SV2A: variants seen among roughly 807,000 people sequenced by gnomAD.
SV2A encodes the protein solute carrier family 22 member B1.
SV2A carries 25 observed loss-of-function variants against 78.0 expected under a neutral mutation model. The observed-to-expected ratio is 0.32, with a 90% CI of 0.23 to 0.45. SV2A has a LOEUF of 0.45. Among genes scored for constraint, SV2A ranks in the 20% least tolerant of loss-of-function variants. The pLI is 1.00. For missense variants in SV2A, 752 were observed against 971.5 expected (o/e 0.77, Z 3.00); for synonymous variants, 355 against 384.7 (o/e 0.92, Z 0.90).
At chr1:149,909,085 C>T (rs2092458020) in intron 8 of SV2A, 107 bp downstream of exon 8, 4 of 1,087,646 alleles carry the variant, frequency 3.7e-6, no homozygotes, top group Non-Finnish European at 5.6e-6. Context: ...GTCTGCATGG[C>T]ACCTTCCCTC....
At chr1:149,908,612 C>T (rs2092454357) in intron 8 of SV2A, among the ~76,000 whole-genome samples, 1 of 151,902 alleles carries the variant, frequency 6.6e-6, no homozygotes, top group East Asian at 1.9e-4. Flanking sequence ...TCTCTCATCA[C>T]CCTGCTTCAT....
chr1:149,909,284 C>A lies in SV2A; in HGVS notation c.1291-4G>T. The stretch of plus-strand genomic sequence containing the variant: ...AGGAGAGAAAATTCCCCCAAACCTA[C>A]AGGGGACCAGACAAAGTCAGACCTT... On this transcript the variant is annotated splice_region_variant and splice_polypyrimidine_tract_variant and intron_variant, in intron 7 of 12. Transcript: ENST00000369146. The A allele has an allele frequency of 6.2e-7, 1 of 1,613,992 alleles. No homozygotes were observed. Among genetic ancestry groups the A allele is most frequent in the South Asian group, 1.1e-5 (1 of 91,072 alleles).
chr1:149,915,944 G>A (rs929068486), intron 1 of SV2A, among the ~76,000 whole-genome samples: 2 of 151,766 alleles, frequency 1.3e-5, no homozygotes, highest in Non-Finnish European at 2.9e-5. Context: ...GGTAGAAGAC[G>A]GTAAGCAATG....
Position 149,911,856 on chromosome 1 carries a change from T to C in SV2A, c.747A>G (p.Ser249=). The C allele has an allele frequency of 1.2e-6, 2 of 1,614,058 alleles. No homozygotes were observed. The highest frequency in any genetic ancestry group is 1.7e-6 in the Non-Finnish European group (2 of 1,180,026). ...LSVNSVFAFF[S]SFVQGYGTFL... is the part of the protein sequence containing the mutation. ...AAGTGCCGTAACCCTGGACAAAAGA[T>C]GAGAAGAAGGCGAAGACGCTGTTGA... The change falls in exon 3 of 13, where the codon TCA becomes TCG. Residue 249 remains serine, a synonymous_variant. Transcript: ENST00000369146.
Position 149,913,563 on chromosome 1 carries a change from A to G in SV2A, c.278T>C (p.Ile93Thr). ...ATEGHDEDDE[I>T]YEGEYQGIPR... The stretch of plus-strand genomic sequence containing the variant: ...AATGCCCTGATATTCCCCTTCATAG[A>G]TCTCATCATCCTCGTCATGGCCCTC... The change falls in exon 2 of 13, where the codon ATC becomes ACC. Residue 93 changes from isoleucine (I) to threonine (T), a missense_variant. Physicochemically the swap from Ile to Thr is moderately conservative, Grantham distance 89 (BLOSUM62 -1). This residue lies in a region of SV2A where 291 missense variants were observed against 359.5 expected (regional missense o/e 0.81). Coordinates refer to ENST00000369146, the MANE Select transcript of SV2A (RefSeq NM_014849.5). The G allele has an allele frequency of 6.2e-7, 1 of 1,612,894 alleles. No individual in the cohort carries two copies.
At chr1:149,917,286 CCCCA>C (rs1553764680) in intron 1 of SV2A, among the ~76,000 whole-genome samples, 6 of 151,884 alleles carry the variant, frequency 4.0e-5, no homozygotes, top group Non-Finnish European at 7.4e-5. Flanking sequence ...TTCCCCTGCC[CCCCA>C]CCCACCCAAG....
intron 1 of SV2A, among the ~76,000 whole-genome samples, chr1:149,915,473 G>C (rs1553764425): frequency 6.6e-6 from 1 of 152,192 alleles, no homozygotes. Context: ...CTAAGAAAGA[G>C]GTGATGACTG....
intron 11 of SV2A, 95 bp from the exon 12 acceptor site, chr1:149,906,134 A>G: frequency 6.8e-7 from 1 of 1,466,430 alleles, no homozygotes; most frequent in African/African-American, 1.4e-5. Context: ...CAGATAGCCC[A>G]GGATGAGACT....
chr1:149,910,762 C>G lies in SV2A; in HGVS notation c.956-59G>C, dbSNP rs1559789835. The G allele has an allele frequency of 6.2e-7, 1 of 1,612,030 alleles. No homozygotes were observed. The highest frequency in any genetic ancestry group is 1.7e-5 in the Admixed American group (1 of 59,914). ...GGCCAGAGGCTGGGGGAACCCACCA[C>G]AGGGAGCACAGAAGAAGAGGGAGGA... On this transcript the variant is annotated intron_variant, in intron 4 of 12. Transcript: ENST00000369146. The surrounding 1 kb of genome is among the most constrained non-coding windows in gnomAD (Gnocchi z 4.2).
chr1:149,909,644 C>T (rs2092462950), intron 6 of SV2A, 73 bp from the exon 7 acceptor site: 1 of 1,487,058 alleles, frequency 6.7e-7, no homozygotes, highest in African/African-American at 1.4e-5. Flanking sequence ...CTCAGTTTCC[C>T]CTGCATTAGC....
chr1:149,907,891 C>A, intron 9 of SV2A, 58 bp from the exon 10 acceptor site: 1 of 1,594,312 alleles, frequency 6.3e-7, no homozygotes. Flanking sequence ...CCCTCCAAGA[C>A]TCACTCTTTA....
intron 12 of SV2A, 38 bp from the exon 13 acceptor site, chr1:149,905,235 A>T: frequency 6.4e-7 from 1 of 1,565,942 alleles, no homozygotes; most frequent in Non-Finnish European, 8.7e-7. Flanking sequence ...GGCGCAAGGT[A>T]CAGGAGGGAG....
At chr1:149,912,389 G>C (rs2092481261) in intron 2 of SV2A, among the ~76,000 whole-genome samples, 3 of 151,988 alleles carry the variant, frequency 2.0e-5, no homozygotes, top group Admixed American at 2.0e-4. Flanking sequence ...TTGTTCCTGG[G>C]GAAAGGGGCT....
In SV2A at chr1:149,907,683, C is replaced by A. The variant is rs374519007; in HGVS notation, c.1678+17G>T. The A allele has an allele frequency of 4.3e-5, 69 of 1,610,002 alleles. 1 individual carries two copies. In the African/African-American group the frequency reaches 5.6e-4, roughly 13 times the overall value. ...CCCAACCCTTTGGTCTGACACCCAC[C>A]AGCCACCCCGCCTTACCAGTGTTAT... On this transcript the variant is annotated intron_variant, in intron 10 of 12. Coordinates refer to ENST00000369146, the MANE Select transcript of SV2A (RefSeq NM_014849.5).
chr1:149,914,583 C>A (rs4926386), intron 1 of SV2A, among the ~76,000 whole-genome samples: 15,985 of 152,170 alleles, frequency 0.11, 1,269 homozygotes, highest in East Asian at 0.26. Flanking sequence ...GAGGACAAGC[C>A]CTCCAACCTG....
At position 149,906,810 on chromosome 1, in the gene SV2A, T is replaced by G. The variant is rs1553762841; in HGVS notation, c.1725A>C (p.Thr575=). 4.3e-6 allele frequency: 7 copies of G among 1,614,208 alleles called. No individual in the cohort carries two copies. The highest frequency in any genetic ancestry group is 5.1e-6 in the Non-Finnish European group (6 of 1,180,046). The part of the protein sequence containing the change: ...KFVNSRLINS[T]FLHNKEGCPL... ...GGCAGCCCTCCTTGTTGTGCAGGAA[T>G]GTACTGTTTATCAGACGGCTGTTCA... Residue 575 remains threonine (T), a synonymous_variant, in exon 11 of 13, where the codon ACA becomes ACC. Transcript: ENST00000369146.
chr1:149,908,584 C>T (rs2092454148), intron 8 of SV2A, among the ~76,000 whole-genome samples: 1 of 152,060 alleles, frequency 6.6e-6, no homozygotes, highest in South Asian at 2.1e-4. Context: ...AGTGCTCCCA[C>T]TGCCCTTCCC....
chr1:149,915,992 T>G (rs1280743770), intron 1 of SV2A, among the ~76,000 whole-genome samples: 1 of 152,034 alleles, frequency 6.6e-6, no homozygotes, highest in Non-Finnish European at 1.5e-5. Flanking sequence ...AAGCAGCGCC[T>G]TATCCCCTCA....
In SV2A at chr1:149,906,043, G is replaced by A. The variant is rs1553762689; in HGVS notation, c.1886-4C>T. 49 of 1,614,030 alleles carry A rather than the reference G, an allele frequency of 3.0e-5. No individual in the cohort carries two copies. Among genetic ancestry groups the A allele is most frequent in the Non-Finnish European group, 4.1e-5 (48 of 1,180,012 alleles). ...CAGGACATCACGCTGGAGCCAGCTG[G>A]AGCCAGGAGAGGAGAGAGCAACATG... On this transcript the variant is annotated splice_polypyrimidine_tract_variant and splice_region_variant and intron_variant, in intron 11 of 12. Coordinates refer to ENST00000369146, the MANE Select transcript of SV2A (RefSeq NM_014849.5).
Sources: allele counts gnomAD v4.1 joint callset (sites outside exome capture counted in the v4.1 genomes callset), GRCh38; gene constraint gnomAD v4.1.1; regional missense constraint gnomAD v4.1.1; non-coding constraint Gnocchi (gnomAD v3.1); transcripts MANE v1.5; gene names NCBI Gene and HGNC (gene_info 2026-07-23, HGNC 2026-07-21).